The following NSD3 variants were observed in gnomAD, a reference collection of about 807,000 sequenced individuals.
The protein encoded by NSD3 is nuclear receptor binding SET domain protein 3, also known as histone-lysine N-methyltransferase NSD3.
In NSD3, 24 loss-of-function variants were observed where a neutral mutation model predicts 160.8. That is an observed-to-expected ratio of 0.15 (90% CI 0.11 to 0.21). The LOEUF is 0.21. NSD3 is among the 10% of genes least tolerant of loss of function. The pLI is 1.00. For missense variants in NSD3, 1,157 were observed against 1,735.9 expected (o/e 0.67, Z 5.93); for synonymous variants, 520 against 600.0 (o/e 0.87, Z 1.95).
intron 2 of NSD3, among the ~76,000 whole-genome samples, chr8:38,346,927 CA>C (rs1810552482): frequency 6.6e-6 from 1 of 152,062 alleles, no homozygotes; most frequent in African/African-American, 2.4e-5. Context: ...TATTGCTAAG[CA>C]AATTCACGCT....
In NSD3 at chr8:38,299,540, T is replaced by C; in HGVS notation, c.2662A>G (p.Lys888Glu). Residue 888 changes from lysine to glutamate, a missense_variant, in exon 15 of 24, where the codon AAG (lysine) becomes GAG (glutamate). Coordinates refer to ENST00000317025, the MANE Select transcript of NSD3 (RefSeq NM_023034.2). ...GATTCATTCAGTAGGTAGTGGGACT[T>C]ATAGGCATATGAACTGAACATGGGG... is the stretch of plus-strand genomic sequence containing the variant. ...SDPMFSSYAY[K>E]SHYLLNESNR... 6.2e-7 allele frequency: 1 copy of C among 1,613,860 alleles called. No homozygotes were observed. The highest frequency in any genetic ancestry group is 1.7e-5 in the Admixed American group (1 of 60,002).
At chr8:38,349,409 C>G (rs1216801761) in intron 1 of NSD3, among the ~76,000 whole-genome samples, 1 of 151,546 alleles carries the variant, frequency 6.6e-6, no homozygotes, top group Non-Finnish European at 1.5e-5. Flanking sequence ...GTCTCAAACT[C>G]CTGGACTCAA....
In NSD3 at chr8:38,343,103, T is replaced by C. The variant is rs556212155; in HGVS notation, c.675+4394A>G. Among the ~76,000 whole-genome samples the C allele has an allele frequency of 4.6e-5, 7 of 151,398 alleles. No homozygotes were observed. The South Asian group carries it at 1.3e-3, about 27-fold the overall frequency. On this transcript the variant is annotated intron_variant, in intron 2 of 23. Transcript: ENST00000317025. Reference sequence around the variant, plus strand: ...TCCAGCTACCTGGGGGGCTGAGGCATAGGAATCGCTTGAACCCGGGAGGCA... The same window carrying C: ...TCCAGCTACCTGGGGGGCTGAGGCACAGGAATCGCTTGAACCCGGGAGGCA...
At chr8:38,374,658 A>G (rs918187805) in intron 1 of NSD3, among the ~76,000 whole-genome samples, 3 of 152,110 alleles carry the variant, frequency 2.0e-5, no homozygotes, top group African/African-American at 2.4e-5. Flanking sequence ...ATGACAGTCT[A>G]TTTGGCCTGA....
At chr8:38,380,007 T>C (rs1811495815) in intron 1 of NSD3, among the ~76,000 whole-genome samples, 3 of 152,190 alleles carry the variant, frequency 2.0e-5, no homozygotes, top group African/African-American at 4.8e-5. Flanking sequence ...GAGAGTCAAC[T>C]GAAGTTTCAA....
In NSD3 at chr8:38,307,775, G is replaced by A. The variant is rs139901959; in HGVS notation, c.2243-2330C>T. Among the ~76,000 whole-genome samples the A allele has an allele frequency of 1.4e-4, 22 of 152,248 alleles. No homozygotes were observed. The East Asian group carries it at 4.2e-3, about 29-fold the overall frequency. On this transcript the variant is annotated intron_variant, in intron 12 of 23. Transcript: ENST00000317025. ...GTTGTCAGGACTGGAACTAAGTAAGGGCCTAGGATTAAGACTGATGATCGA... is the reference window on the plus strand; with the variant it reads ...GTTGTCAGGACTGGAACTAAGTAAGAGCCTAGGATTAAGACTGATGATCGA...
At chr8:38,353,973 C>T (rs1453766848) in intron 1 of NSD3, among the ~76,000 whole-genome samples, 3 of 152,196 alleles carry the variant, frequency 2.0e-5, no homozygotes, top group Admixed American at 1.3e-4. Flanking sequence ...CTACACTAAA[C>T]GCTAAAGGTC....
At chr8:38,283,494 A>G (rs1031161681) in intron 19 of NSD3, among the ~76,000 whole-genome samples, 1 of 147,842 alleles carries the variant, frequency 6.8e-6, no homozygotes, top group African/African-American at 2.5e-5. Context: ...CTGAAGAGAA[A>G]GAAGTACTGC....
intron 15 of NSD3, among the ~76,000 whole-genome samples, chr8:38,297,577 A>C (rs979993954): frequency 2.6e-5 from 4 of 152,148 alleles, no homozygotes; most frequent in African/African-American, 7.2e-5. Flanking sequence ...TCTTCCTATA[A>C]ATTTTCAAAC....
intron 7 of NSD3, among the ~76,000 whole-genome samples, chr8:38,324,770 T>G (rs568059651): frequency 2.0e-5 from 3 of 152,288 alleles, no homozygotes; most frequent in Admixed American, 2.0e-4. Flanking sequence ...CACCCCCCCA[T>G]CCTCCGAGAA....
At chr8:38,371,584 TAAA>T (rs1811243959) in intron 1 of NSD3, among the ~76,000 whole-genome samples, 1 of 151,540 alleles carries the variant, frequency 6.6e-6, no homozygotes, top group Non-Finnish European at 1.5e-5. Context: ...TCAGTGGGAG[TAAA>T]AAAGAATAAC....
At chr8:38,341,095 C>T (rs983476773) in intron 2 of NSD3, among the ~76,000 whole-genome samples, 3 of 152,168 alleles carry the variant, frequency 2.0e-5, no homozygotes, top group Non-Finnish European at 4.4e-5. Context: ...GCTATGACTG[C>T]ACTCCAGCCT....
At chr8:38,376,361 CTCTT>C (rs2150397781) in intron 1 of NSD3, among the ~76,000 whole-genome samples, 1 of 152,164 alleles carries the variant, frequency 6.6e-6, no homozygotes, top group African/African-American at 2.4e-5. Context: ...TCCCCTTTAA[CTCTT>C]TCTACTAAAT....
rs1356401338 is a variant in NSD3 at position 38,329,617 on chromosome 8, G to A, written c.1342C>T (p.Arg448Trp). 3.1e-6 allele frequency: 5 copies of A among 1,614,176 alleles called. No individual in the cohort carries two copies. Among genetic ancestry groups the A allele is most frequent in the Admixed American group, 3.3e-5 (2 of 60,018 alleles). ...VASSLSSTEI[R>W]RHSQRRHTSA... ...GTGTGCCGCCTCTGGCTATGTCTCCGAATTTCAGTACTTGAGAGTGAGGAG... is the reference window on the plus strand; with the variant it reads ...GTGTGCCGCCTCTGGCTATGTCTCCAAATTTCAGTACTTGAGAGTGAGGAG... Residue 448 changes from arginine (R) to tryptophan (W), a missense_variant, in exon 6 of 24, where the codon CGG becomes TGG. Physicochemically the swap from Arg to Trp is moderately radical, Grantham distance 101. Coordinates refer to ENST00000317025, the MANE Select transcript of NSD3 (RefSeq NM_023034.2). The surrounding 1 kb of genome is among the most constrained non-coding windows in gnomAD (Gnocchi z 4.8).
In NSD3 at chr8:38,319,100, A is replaced by G; in HGVS notation, c.1810-160T>C. The G allele has an allele frequency of 1.5e-6, 1 of 650,948 alleles. No homozygotes were observed. Among genetic ancestry groups the G allele is most frequent in the Non-Finnish European group, 2.7e-6 (1 of 376,826 alleles). The allele number at this position is 650,948 out of a possible 1,614,324, so 40.3% of individuals were successfully genotyped here. ...CTTTTGGGTAAAGTTCTCTGTCTCA[A>G]GATCAGGGAGGGTTTAAATCCTAGC... On this transcript the variant is annotated intron_variant, in intron 8 of 23. Coordinates refer to ENST00000317025, the MANE Select transcript of NSD3 (RefSeq NM_023034.2). The surrounding 1 kb of genome is among the most constrained non-coding windows in gnomAD (Gnocchi z 4.1).
chr8:38,286,925 C>T (rs1808874074), intron 19 of NSD3, among the ~76,000 whole-genome samples: 2 of 152,226 alleles, frequency 1.3e-5, no homozygotes, highest in Admixed American at 1.3e-4. Context: ...AGGGCAATCC[C>T]TGTCACCAGC....
At chr8:38,361,579 C>A (rs1006673686) in intron 1 of NSD3, among the ~76,000 whole-genome samples, 3 of 151,152 alleles carry the variant, frequency 2.0e-5, no homozygotes, top group Non-Finnish European at 3.0e-5. Flanking sequence ...CACGGTGAAA[C>A]CCCGTCTCTA....
At position 38,305,449 on chromosome 8, in the gene NSD3, G is replaced by C; in HGVS notation, c.2243-4C>G. ...CACGAAAAACATGGGTGCTGCCCTG[G>C]AAAATTGGTGAGGAATACAAATTAA... On this transcript the variant is annotated splice_polypyrimidine_tract_variant and splice_region_variant and intron_variant, in intron 12 of 23. Transcript: ENST00000317025. 1 of 1,613,700 alleles carries C rather than the reference G, an allele frequency of 6.2e-7. No homozygotes were observed. Among genetic ancestry groups the C allele is most frequent in the Non-Finnish European group, 8.5e-7 (1 of 1,179,768 alleles).
At chr8:38,344,337 T>C (rs1810460002) in intron 2 of NSD3, among the ~76,000 whole-genome samples, 1 of 152,190 alleles carries the variant, frequency 6.6e-6, no homozygotes, top group Admixed American at 6.5e-5. Flanking sequence ...AGTGGCATGA[T>C]CTTGGCTCAC....
Sources: allele counts gnomAD v4.1 joint callset (sites outside exome capture counted in the v4.1 genomes callset), GRCh38; gene constraint gnomAD v4.1.1; non-coding constraint Gnocchi (gnomAD v3.1); transcripts MANE v1.5; gene names NCBI Gene and HGNC (gene_info 2026-07-23, HGNC 2026-07-21).